AP1G1: variants seen among roughly 807,000 people sequenced by gnomAD.
The protein encoded by AP1G1 is adaptor related protein complex 1 subunit gamma 1.
In AP1G1, 7 loss-of-function variants were observed where a neutral mutation model predicts 108.3. The observed-to-expected ratio is 0.06, with a 90% CI of 0.04 to 0.12. AP1G1 has a LOEUF of 0.12. Ranked by LOEUF, AP1G1 falls within the 10% of genes least tolerant of loss-of-function variation. AP1G1 has a pLI of 1.00. For missense variants in AP1G1, 756 were observed against 1,010.7 expected (o/e 0.75, Z 3.42); for synonymous variants, 379 against 353.5 (o/e 1.07, Z -0.81).
chr16:71,729,407 C>T lies in AP1G1; in HGVS notation c.*3651G>A, dbSNP rs1366741092. ...GAAAACAAAAACAAAACACACAAAG[C>T]GCAACCGCAGGTTCTTTGAGGGAAG... On this transcript the variant is annotated 3_prime_UTR_variant, in exon 23 of 23. Coordinates refer to ENST00000299980, the MANE Select transcript of AP1G1 (RefSeq NM_001128.6). 1.4e-5 allele frequency: 2 copies of T among 146,114 alleles called. No homozygotes were observed. Among genetic ancestry groups the T allele is most frequent in the African/African-American group, 2.6e-5 (1 of 39,056 alleles). 9.1% of individuals were successfully genotyped at this position (146,114 alleles called of 1,614,324 possible). A position where few individuals can be genotyped will look rare whatever the true frequency, so the allele number is the denominator to read the frequency against.
Position 71,746,706 on chromosome 16 carries a change from G to A in AP1G1, c.1626-14C>T, listed in dbSNP as rs1323742840. ...TTCTTAATTCGGCTATAGATAAAAT[G>A]ACAAACGAAATAAAATACCCAAAAG... On this transcript the variant is annotated splice_polypyrimidine_tract_variant and intron_variant, in intron 16 of 22. Coordinates refer to ENST00000299980, the MANE Select transcript of AP1G1 (RefSeq NM_001128.6). 33 of 1,581,406 alleles carry A rather than the reference G, an allele frequency of 2.1e-5. 1 individual carries two copies. Among genetic ancestry groups the A allele is most frequent in the Admixed American group, 3.4e-5 (2 of 58,754 alleles).
At chr16:71,736,664 C>A (rs2045551041) in intron 21 of AP1G1, among the ~76,000 whole-genome samples, 1 of 151,012 alleles carries the variant, frequency 6.6e-6, no homozygotes, top group Non-Finnish European at 1.5e-5. Flanking sequence ...CGGCTCACTG[C>A]AAGCTCCACC....
At chr16:71,789,165 A>G in intron 2 of AP1G1, 114 bp downstream of exon 2, 1 of 960,088 alleles carries the variant, frequency 1.0e-6, no homozygotes, top group East Asian at 2.6e-5. Flanking sequence ...TCAGTTCCAC[A>G]ATGATCAGAC....
chr16:71,765,240 T>A (rs1181890687), intron 7 of AP1G1, among the ~76,000 whole-genome samples: 2 of 152,154 alleles, frequency 1.3e-5, no homozygotes, highest in Admixed American at 1.3e-4. Flanking sequence ...CTTGGGAAGA[T>A]CACTTGACCC....
chr16:71,784,141 C>A (rs529791664), intron 2 of AP1G1, among the ~76,000 whole-genome samples: 1 of 152,286 alleles, frequency 6.6e-6, no homozygotes, highest in African/African-American at 2.4e-5. Context: ...CATTGCCGTC[C>A]TTTAGGAAAT....
At chr16:71,763,952 A>G (rs2031209960) in intron 9 of AP1G1, among the ~76,000 whole-genome samples, 1 of 152,226 alleles carries the variant, frequency 6.6e-6, no homozygotes, top group African/African-American at 2.4e-5. Flanking sequence ...GGTGGATACT[A>G]AAACTGATAG....
intron 4 of AP1G1, 122 bp downstream of exon 4, chr16:71,773,099 G>C: frequency 9.4e-7 from 1 of 1,067,624 alleles, no homozygotes. Flanking sequence ...ATGTAAAACA[G>C]ATTTACTACA....
At chr16:71,755,032 GAGAA>G (rs1390302875) in intron 12 of AP1G1, among the ~76,000 whole-genome samples, 6 of 152,176 alleles carry the variant, frequency 3.9e-5, no homozygotes, top group Non-Finnish European at 8.8e-5. Flanking sequence ...GTGGAAAGAA[GAGAA>G]AGAATAGCTG....
At chr16:71,794,835 C>CTTTTTGTTTTTTTTTT (rs2032523787) in intron 1 of AP1G1, among the ~76,000 whole-genome samples, 1 of 39,632 alleles carries the variant, frequency 2.5e-5, no homozygotes, top group Non-Finnish European at 4.3e-5. Flanking sequence ...ATGAGAAGTG[C>CTTTTTGTTTTTTTTTT]TTTTTTTTTT....
Position 71,764,630 on chromosome 16 carries a change from T to TG in AP1G1, c.819+15dup. The TG allele has an allele frequency of 6.5e-7, 1 of 1,534,596 alleles. No individual in the cohort carries two copies. The highest frequency in any genetic ancestry group is 1.2e-5 in the South Asian group (1 of 80,998). On this transcript the variant is annotated intron_variant, in intron 8 of 22. Coordinates refer to ENST00000299980, the MANE Select transcript of AP1G1 (RefSeq NM_001128.6). Reference sequence around the variant, plus strand: ...AACTAAAATAAATATATATTTAATATGTTTGGTCTACTCACCTGTGCTAAT... The same window carrying TG: ...AACTAAAATAAATATATATTTAATATGGTTTGGTCTACTCACCTGTGCTAAT...
chr16:71,779,509 T>C (rs1244538300), intron 2 of AP1G1, among the ~76,000 whole-genome samples: 2 of 151,914 alleles, frequency 1.3e-5, no homozygotes, highest in African/African-American at 4.8e-5. Context: ...CCCAGCTAAT[T>C]TTTGTGTTTT....
intron 1 of AP1G1, among the ~76,000 whole-genome samples, chr16:71,792,038 A>C (rs926908730): frequency 1.3e-5 from 2 of 152,182 alleles, no homozygotes; most frequent in Non-Finnish European, 2.9e-5. Flanking sequence ...CTGGGATTAC[A>C]GGTGTGAGCC....
intron 2 of AP1G1, among the ~76,000 whole-genome samples, chr16:71,781,738 GACAA>G (rs1359699114): frequency 2.0e-5 from 3 of 152,148 alleles, no homozygotes; most frequent in Non-Finnish European, 4.4e-5. Flanking sequence ...ATTATCTGAG[GACAA>G]ACAGATTGTT....
At chr16:71,774,424 CA>C (rs753129688) in intron 3 of AP1G1, 43 bp downstream of exon 3, 16 of 1,575,674 alleles carry the variant, frequency 1.0e-5, no homozygotes, top group Non-Finnish European at 1.2e-5. Flanking sequence ...CAAAAAAGAA[CA>C]AAGTAGTTAA....
intron 2 of AP1G1, among the ~76,000 whole-genome samples, chr16:71,786,757 C>T (rs2032218798): frequency 6.6e-6 from 1 of 152,064 alleles, no homozygotes; most frequent in Non-Finnish European, 1.5e-5. Flanking sequence ...CCGCACCCAG[C>T]CCAAATTTTT....
intron 13 of AP1G1, among the ~76,000 whole-genome samples, chr16:71,752,460 G>C (rs1215460394): frequency 6.6e-6 from 1 of 152,024 alleles, no homozygotes; most frequent in African/African-American, 2.4e-5. Flanking sequence ...AATTTCATAA[G>C]TCAACAAATA....
rs112080769 is a variant in AP1G1, at chr16:71,782,466, AATTATT to A, written c.201+6807_201+6812del. Among the ~76,000 whole-genome samples, 8 of 148,938 alleles carry A rather than the reference AATTATT, an allele frequency of 5.4e-5. No homozygotes were observed. In the East Asian group the frequency reaches 7.9e-4, roughly 15 times the overall value. On this transcript the variant is annotated intron_variant, in intron 2 of 22. Coordinates refer to ENST00000299980, the MANE Select transcript of AP1G1 (RefSeq NM_001128.6). ...AGTTTAGTCACCGCACCCAGCCTACAATTATTATTATTATTATTATTATTTTTATTA... is the reference window on the plus strand; with the variant it reads ...AGTTTAGTCACCGCACCCAGCCTACAATTATTATTATTATTATTTTTATTA...
chr16:71,754,330 A>G (rs1382941488), intron 12 of AP1G1, among the ~76,000 whole-genome samples: 1 of 142,654 alleles, frequency 7.0e-6, no homozygotes, highest in Non-Finnish European at 1.6e-5. Flanking sequence ...AGAGAGAAAG[A>G]AAAGAAAGAA....
chr16:71,763,619 AAT>A (rs967043825), intron 9 of AP1G1, among the ~76,000 whole-genome samples: 1 of 152,192 alleles, frequency 6.6e-6, no homozygotes, highest in African/African-American at 2.4e-5. Flanking sequence ...TGGTGCGAAC[AAT>A]ATATATGGTA....
Sources: gnomAD v4.1 joint callset for allele counts (sites outside exome capture counted in the v4.1 genomes callset) on GRCh38, gnomAD v4.1.1 for gene constraint, MANE v1.5 for transcripts, NCBI Gene and HGNC (gene_info 2026-07-23, HGNC 2026-07-21) for gene names.